The following YY1 variants were observed in gnomAD, a reference collection of about 807,000 sequenced individuals.
The protein encoded by YY1 is transcriptional repressor protein YY1.
YY1 carries 2 observed loss-of-function variants against 35.6 expected under a neutral mutation model. That is an observed-to-expected ratio of 0.06 (90% CI 0.02 to 0.18). YY1 has a LOEUF of 0.18. Ranked by LOEUF, YY1 falls within the 10% of genes least tolerant of loss-of-function variation. The pLI is 1.00. For synonymous variants in YY1, 268 were observed against 238.9 expected (o/e 1.12, Z -1.12); for missense variants, 322 against 573.4 (o/e 0.56, Z 4.48).
intron 2 of YY1, among the ~76,000 whole-genome samples, chr14:100,264,672 A>C (rs1329515655): frequency 1.3e-5 from 2 of 152,182 alleles, no homozygotes; most frequent in Admixed American, 1.3e-4. Context: ...GTAGAGCGTT[A>C]ACTTGGGAGA....
At chr14:100,242,513 C>G (rs945644082) in intron 1 of YY1, among the ~76,000 whole-genome samples, 2 of 150,782 alleles carry the variant, frequency 1.3e-5, no homozygotes, top group East Asian at 2.0e-4. Context: ...CTCACCCTCC[C>G]GAGTAGCTGG....
rs145274033 is a variant in YY1 at position 100,271,914 on chromosome 14, A to G, written c.843-2784A>G. On this transcript the variant is annotated intron_variant, in intron 2 of 4. Coordinates refer to ENST00000262238, the MANE Select transcript of YY1 (RefSeq NM_003403.5). ...GAAACAAAGTTTTCACTGTGACCCT[A>G]TCACACGAGTGCATCATGTTAGCAC... is the stretch of plus-strand genomic sequence containing the variant. Among the ~76,000 whole-genome samples, 78 of 152,284 alleles carry G rather than the reference A, an allele frequency of 5.1e-4. 2 individuals carry two copies. Among genetic ancestry groups the G allele is most frequent in the African/African-American group, 1.6e-3 (65 of 41,548 alleles).
chr14:100,260,600 G>A (rs1425048645), intron 1 of YY1, among the ~76,000 whole-genome samples: 2 of 150,674 alleles, frequency 1.3e-5, no homozygotes, highest in Non-Finnish European at 3.0e-5. Flanking sequence ...AGCCTCCTGA[G>A]TAGCCAGGAC....
rs1891415117 is a variant in YY1 at position 100,281,019 on chromosome 14, C to G, written c.*3419C>G. On this transcript the variant is annotated 3_prime_UTR_variant, in exon 5 of 5. Coordinates refer to ENST00000262238, the MANE Select transcript of YY1 (RefSeq NM_003403.5). ...AGCTTGCAGTGAGCCGAGATCGCAC[C>G]ACTGCACTCCAGCCTGGGTGACAGA... is the stretch of plus-strand genomic sequence containing the variant. The G allele has an allele frequency of 2.2e-5, 3 of 136,378 alleles. No individual in the cohort carries two copies. In the South Asian group the frequency reaches 7.5e-4, roughly 34 times the overall value. 8.4% of individuals were successfully genotyped at this position (136,378 alleles called of 1,614,324 possible). A position where few individuals can be genotyped will look rare whatever the true frequency, so the allele number is the denominator to read the frequency against.
chr14:100,273,422 G>A (rs1244216354), intron 2 of YY1, among the ~76,000 whole-genome samples: 3 of 152,146 alleles, frequency 2.0e-5, no homozygotes, highest in Non-Finnish European at 4.4e-5. Context: ...CCGAGTGGTT[G>A]GGACTATCGA....
intron 2 of YY1, among the ~76,000 whole-genome samples, chr14:100,271,020 C>T (rs1483060644): frequency 4.0e-5 from 6 of 151,480 alleles, no homozygotes; most frequent in East Asian, 3.9e-4. Context: ...CCAAGGCAGG[C>T]GGATCACGAG....
chr14:100,282,760 A>G lies in YY1; in HGVS notation c.*5160A>G, dbSNP rs1376294287. The G allele has an allele frequency of 2.6e-5, 4 of 152,224 alleles. No individual in the cohort carries two copies. The highest frequency in any genetic ancestry group is 9.6e-5 in the African/African-American group (4 of 41,466). The allele number at this position is 152,224 out of a possible 1,614,324, so 9.4% of individuals were successfully genotyped here. On this transcript the variant is annotated 3_prime_UTR_variant, in exon 5 of 5. Coordinates refer to ENST00000262238, the MANE Select transcript of YY1 (RefSeq NM_003403.5). ...AAGCATGTGTAATATGGCTCTATAC[A>G]ATATAATAAATGCATAATGTTAAGC...
intron 2 of YY1, 54 bp downstream of exon 2, chr14:100,262,520 C>G (rs1891098505): frequency 6.3e-7 from 1 of 1,579,896 alleles, no homozygotes; most frequent in East Asian, 2.2e-5. Flanking sequence ...TTGAGTCTTG[C>G]CAGCTATGTT....
At chr14:100,243,056 T>C (rs964430974) in intron 1 of YY1, among the ~76,000 whole-genome samples, 2 of 152,236 alleles carry the variant, frequency 1.3e-5, no homozygotes, top group Non-Finnish European at 2.9e-5. Context: ...ACTATCCCCC[T>C]TACTTTTCCT....
intron 1 of YY1, among the ~76,000 whole-genome samples, chr14:100,245,981 G>T (rs1443493924): frequency 6.6e-6 from 1 of 152,170 alleles, no homozygotes; most frequent in Non-Finnish European, 1.5e-5. Context: ...GGAAGATAAT[G>T]ATAAAAACTG....
At chr14:100,258,527 A>G (rs1242450852) in intron 1 of YY1, among the ~76,000 whole-genome samples, 2 of 152,184 alleles carry the variant, frequency 1.3e-5, no homozygotes, top group Non-Finnish European at 1.5e-5. Flanking sequence ...GGTAGACTTC[A>G]TGAGTTTTTT....
chr14:100,239,802 C>T lies in YY1; in HGVS notation c.558C>T (p.Leu186=). The part of the protein sequence containing the change: ...GGKKSGKKSY[L]SGGAGAAGGG... ...AGAAGAGCGGCAAGAAGAGTTACCT[C>T]AGCGGCGGGGCCGGCGCGGCGGGCG... Residue 186 remains leucine (L), a synonymous_variant, in exon 1 of 5, where the codon CTC becomes CTT. Transcript: ENST00000262238. 1 of 1,516,588 alleles carries T rather than the reference C, an allele frequency of 6.6e-7. No homozygotes were observed. The highest frequency in any genetic ancestry group is 8.8e-7 in the Non-Finnish European group (1 of 1,137,416). The allele number at this position is 1,516,588 out of a possible 1,614,324, so 93.9% of individuals were successfully genotyped here.
chr14:100,248,121 C>CTTTTTTTTTTTT (rs10694000), intron 1 of YY1, among the ~76,000 whole-genome samples: 33 of 117,624 alleles, frequency 2.8e-4, no homozygotes, highest in Non-Finnish European at 3.5e-4. Context: ...ATTTTTTTTT[C>CTTTTTTTTTTTT]TTTTTTTTTT....
chr14:100,246,108 A>G (rs1203038759), intron 1 of YY1, among the ~76,000 whole-genome samples: 1 of 152,172 alleles, frequency 6.6e-6, no homozygotes, highest in Non-Finnish European at 1.5e-5. Flanking sequence ...TCGGAGCAGA[A>G]GTTGCATTGC....
rs1890689699 is a variant in YY1 at position 100,239,454 on chromosome 14, C to T, written c.210C>T (p.His70=). Residue 70 remains histidine (H), a synonymous_variant, in exon 1 of 5, where the codon CAC becomes CAT. Coordinates refer to ENST00000262238, the MANE Select transcript of YY1 (RefSeq NM_003403.5). ...GGGGGHGHAG[H]HHHHHHHHHH... Reference sequence around the variant, plus strand: ...GGGGCGGCCACGGGCACGCCGGCCACCACCACCACCACCATCACCACCACC... The same window carrying T: ...GGGGCGGCCACGGGCACGCCGGCCATCACCACCACCACCATCACCACCACC... The T allele has an allele frequency of 6.3e-7, 1 of 1,584,304 alleles. No homozygotes were observed. The highest frequency in any genetic ancestry group is 8.6e-7 in the Non-Finnish European group (1 of 1,163,868).
rs547019250 is a variant in YY1 at position 100,279,434 on chromosome 14, G to T, written c.*1834G>T. 1 of 152,248 alleles carries T rather than the reference G, an allele frequency of 6.6e-6. No individual in the cohort carries two copies. Among genetic ancestry groups the T allele is most frequent in the Non-Finnish European group, 1.5e-5 (1 of 68,056 alleles). 9.4% of individuals were successfully genotyped at this position (152,248 alleles called of 1,614,324 possible). ...TCTGTGGAATTTTGAAGTGCCTTTT[G>T]TGAATCATGAATGAAACATTTAACT... On this transcript the variant is annotated 3_prime_UTR_variant, in exon 5 of 5. Coordinates refer to ENST00000262238, the MANE Select transcript of YY1 (RefSeq NM_003403.5).
At chr14:100,245,937 A>G (rs907963950) in intron 1 of YY1, among the ~76,000 whole-genome samples, 2 of 152,198 alleles carry the variant, frequency 1.3e-5, no homozygotes, top group Non-Finnish European at 2.9e-5. Context: ...TTAGTTAATT[A>G]TAAACTAAGC....
In YY1 at chr14:100,277,749, T is replaced by TA; in HGVS notation, c.*154dup. 1 of 851,852 alleles carries TA rather than the reference T, an allele frequency of 1.2e-6. No individual in the cohort carries two copies. Among genetic ancestry groups the TA allele is most frequent in the Non-Finnish European group, 1.8e-6 (1 of 558,598 alleles). 52.8% of individuals were successfully genotyped at this position (851,852 alleles called of 1,614,324 possible). A position where few individuals can be genotyped will look rare whatever the true frequency, so the allele number is the denominator to read the frequency against. On this transcript the variant is annotated 3_prime_UTR_variant, in exon 5 of 5. Coordinates refer to ENST00000262238, the MANE Select transcript of YY1 (RefSeq NM_003403.5). The surrounding 1 kb of genome is among the most constrained non-coding windows in gnomAD (Gnocchi z 5.6). ...TAAGGGACATGTTTTGATAAAGTAGTAAAAATTAAAAAAAAAAAACTTTAC... is the reference window on the plus strand; with the variant it reads ...TAAGGGACATGTTTTGATAAAGTAGTAAAAAATTAAAAAAAAAAAACTTTAC...
chr14:100,259,256 G>A (rs1249837347), intron 1 of YY1, among the ~76,000 whole-genome samples: 2 of 152,106 alleles, frequency 1.3e-5, no homozygotes, highest in African/African-American at 2.4e-5. Flanking sequence ...AGACCCGCCA[G>A]GCACTGTGGC....
Sources: allele counts gnomAD v4.1 joint callset (sites outside exome capture counted in the v4.1 genomes callset), GRCh38; gene constraint gnomAD v4.1.1; non-coding constraint Gnocchi (gnomAD v3.1); transcripts MANE v1.5; gene names NCBI Gene and HGNC (gene_info 2026-07-23, HGNC 2026-07-21).